ABCG1: variants seen among roughly 807,000 people sequenced by gnomAD.
The protein encoded by ABCG1 is ATP-binding cassette sub-family G member 1.
Under a neutral mutation model 69.2 loss-of-function variants are expected in ABCG1, and 29 were observed. The observed-to-expected ratio is 0.42, with a 90% CI of 0.31 to 0.57. The LOEUF (loss-of-function observed/expected upper bound fraction) is 0.57. Ranked by LOEUF, ABCG1 falls within the 20% of genes least tolerant of loss-of-function variation. The probability of loss-of-function intolerance (pLI) is 0.15; values close to 1 mark genes in which losing one functional copy is unlikely to be tolerated. For synonymous variants in ABCG1, 370 were observed against 374.8 expected (o/e 0.99, Z 0.15); for missense variants, 718 against 898.1 (o/e 0.80, Z 2.56).
intron 2 of ABCG1, among the ~76,000 whole-genome samples, chr21:42,233,643 C>T (rs2067933136): frequency 6.6e-6 from 1 of 152,200 alleles, no homozygotes; most frequent in Non-Finnish European, 1.5e-5. Context: ...GAACAATAAC[C>T]AAATACATTA....
chr21:42,289,908 C>T, intron 10 of ABCG1, 142 bp from the exon 11 acceptor site: 1 of 875,280 alleles, frequency 1.1e-6, no homozygotes, highest in South Asian at 1.7e-5. Flanking sequence ...GCTTGTTTCT[C>T]TGGAGGAGAA....
At chr21:42,225,434 A>G (rs1487666852) in intron 1 of ABCG1, among the ~76,000 whole-genome samples, 1 of 152,226 alleles carries the variant, frequency 6.6e-6, no homozygotes, top group African/African-American at 2.4e-5. Context: ...ATTCCAAAGT[A>G]AGACTTGTAG....
chr21:42,293,634 A>G (rs1364932734), intron 13 of ABCG1, among the ~76,000 whole-genome samples: 1 of 140,724 alleles, frequency 7.1e-6, no homozygotes, highest in African/African-American at 2.7e-5. Context: ...CACACCACAC[A>G]CACACCACAC....
rs142303190 is a variant in ABCG1 at position 42,271,190 on chromosome 21, G to A, written c.404+3G>A. ...ATGAACATCCTGGCTGGATACAGGT[G>A]AGCAGCCCTGCCCAGGGCGCAAAGT... On this transcript the variant is annotated splice_donor_region_variant and intron_variant, in intron 3 of 14. Transcript: ENST00000398449. 18 of 1,543,340 alleles carry A rather than the reference G, an allele frequency of 1.2e-5. No individual in the cohort carries two copies. The highest frequency in any genetic ancestry group is 4.2e-5 in the African/African-American group (3 of 71,612).
intron 13 of ABCG1, among the ~76,000 whole-genome samples, chr21:42,292,707 CACACT>C (rs2069090494): frequency 7.5e-6 from 1 of 133,486 alleles, no homozygotes; most frequent in African/African-American, 2.8e-5. Flanking sequence ...CACTACACAC[CACACT>C]ACACACTACA....
At chr21:42,231,191 GC>G (rs141244734) in intron 2 of ABCG1, among the ~76,000 whole-genome samples, 4,800 of 152,294 alleles carry the variant, frequency 0.032, 142 homozygotes, top group Middle Eastern at 0.058. Flanking sequence ...TGCATGGCGT[GC>G]TTTCTCTCCA....
chr21:42,243,336 A>G (rs2068079286), intron 2 of ABCG1, among the ~76,000 whole-genome samples: 1 of 152,188 alleles, frequency 6.6e-6, no homozygotes, highest in Non-Finnish European at 1.5e-5. Context: ...GCCAGGGAAC[A>G]GGGCAGAAGT....
At chr21:42,205,867 A>T (rs2067538901) in intron 2 of ABCG1, among the ~76,000 whole-genome samples, 1 of 152,098 alleles carries the variant, frequency 6.6e-6, no homozygotes, top group Admixed American at 6.6e-5. Flanking sequence ...TGTCCCACAA[A>T]TTTTGATATT....
chr21:42,257,661 T>C (rs2123674913), intron 2 of ABCG1, among the ~76,000 whole-genome samples: 1 of 152,264 alleles, frequency 6.6e-6, no homozygotes, highest in South Asian at 2.1e-4. Flanking sequence ...CCACAGTGGA[T>C]GAAATATTCC....
In ABCG1 at chr21:42,288,247, G is replaced by A. The variant is rs368270596; in HGVS notation, c.1159G>A (p.Ala387Thr). 16 of 1,614,062 alleles carry A rather than the reference G, an allele frequency of 9.9e-6. No homozygotes were observed. Among genetic ancestry groups the A allele is most frequent in the Admixed American group, 1.7e-5 (1 of 60,010 alleles). ...CATGGAAGGCTGCCACAGCTTCTCTGCCAGCTGCCTCACGCAGTTCTGCAT... is the reference window on the plus strand; with the variant it reads ...CATGGAAGGCTGCCACAGCTTCTCTACCAGCTGCCTCACGCAGTTCTGCAT... ...SSMEGCHSFS[A>T]SCLTQFCILF... Residue 387 changes from alanine to threonine, a missense_variant, in exon 10 of 15, where the codon GCC becomes ACC. Ala to Thr is a moderately conservative substitution (Grantham distance 58). Around this residue, in one of 2 missense-constraint regions of ABCG1, gnomAD observed 514 missense variants for 574.3 expected, o/e 0.90. Transcript: ENST00000398449. This position sits in a 1 kb window ranked among gnomAD's most constrained non-coding sequence, Gnocchi z 4.8.
chr21:42,248,902 C>CAAA (rs71332356), intron 2 of ABCG1, among the ~76,000 whole-genome samples: 2,649 of 90,946 alleles, frequency 0.029, 75 homozygotes, highest in South Asian at 0.038. Context: ...AGACCTCTCT[C>CAAA]AAAAAAAAAA....
chr21:42,295,553 A>G (rs1459975580), intron 14 of ABCG1, among the ~76,000 whole-genome samples: 1 of 152,210 alleles, frequency 6.6e-6, no homozygotes, highest in Non-Finnish European at 1.5e-5. Context: ...TCCGAGCTGC[A>G]GAAGTTCCAT....
intron 2 of ABCG1, among the ~76,000 whole-genome samples, chr21:42,248,970 C>A (rs1413370819): frequency 6.6e-6 from 1 of 151,536 alleles, no homozygotes; most frequent in Non-Finnish European, 1.5e-5. Flanking sequence ...TTATACAGCC[C>A]AGAAAAGAAA....
intron 2 of ABCG1, among the ~76,000 whole-genome samples, chr21:42,251,714 C>T (rs2068224619): frequency 6.6e-6 from 1 of 152,216 alleles, no homozygotes; most frequent in Non-Finnish European, 1.5e-5. Flanking sequence ...GGCCTAGGCA[C>T]AGTCGGTCCT....
At chr21:42,292,321 C>G (rs2069078688) in intron 13 of ABCG1, among the ~76,000 whole-genome samples, 2 of 152,096 alleles carry the variant, frequency 1.3e-5, no homozygotes, top group African/African-American at 2.4e-5. Context: ...CCTCCAGGGC[C>G]CAGGTGCCCT....
chr21:42,273,547 A>T lies in ABCG1; in HGVS notation c.537+112A>T, dbSNP rs1226628748. 3.8e-6 allele frequency: 5 copies of T among 1,322,616 alleles called. No individual in the cohort carries two copies. Among genetic ancestry groups the T allele is most frequent in the South Asian group, 1.4e-5 (1 of 69,444 alleles). The allele number at this position is 1,322,616 out of a possible 1,614,324, so 81.9% of individuals were successfully genotyped here. On this transcript the variant is annotated intron_variant, in intron 4 of 14. Transcript: ENST00000398449. This position sits in a 1 kb window ranked among gnomAD's most constrained non-coding sequence, Gnocchi z 5.3. ...CTGCGAGGGACCCAAGGGCTCTGCCACGCGGCCTGCACAGGGCCAGCAACC... is the reference window on the plus strand; with the variant it reads ...CTGCGAGGGACCCAAGGGCTCTGCCTCGCGGCCTGCACAGGGCCAGCAACC...
In ABCG1 at chr21:42,273,511, C is replaced by A. The variant is rs553247689; in HGVS notation, c.537+76C>A. On this transcript the variant is annotated intron_variant, in intron 4 of 14. Coordinates refer to ENST00000398449, the MANE Select transcript of ABCG1 (RefSeq NM_016818.3). The surrounding 1 kb of genome is among the most constrained non-coding windows in gnomAD (Gnocchi z 5.3). ...CGCCCACATTAGACACAGCACTGGC[C>A]GAGTGCCCAGCTGCGAGGGACCCAA... 21 of 1,521,044 alleles carry A rather than the reference C, an allele frequency of 1.4e-5. No individual in the cohort carries two copies. The highest frequency in any genetic ancestry group is 6.2e-5 in the South Asian group (5 of 80,714). The allele number at this position is 1,521,044 out of a possible 1,614,324, so 94.2% of individuals were successfully genotyped here.
chr21:42,247,319 A>G (rs1056706216), intron 2 of ABCG1, among the ~76,000 whole-genome samples: 2 of 152,214 alleles, frequency 1.3e-5, no homozygotes, highest in Non-Finnish European at 2.9e-5. Flanking sequence ...AGCTCTCACT[A>G]TCAGGCAGGG....
rs2067692139 is a variant in ABCG1 at position 42,219,807 on chromosome 21, C to T, written c.42+503C>T. On this transcript the variant is annotated intron_variant, in intron 1 of 14. Transcript: ENST00000398449. This position sits in a 1 kb window ranked among gnomAD's most constrained non-coding sequence, Gnocchi z 5.3. ...CTGGGGGAACAAAAGAGGAAGCTGC[C>T]CCCAGAGAGCCGGAGCCTGCGACTG... The T allele has an allele frequency of 7.0e-6, 10 of 1,435,500 alleles. No individual in the cohort carries two copies. The highest frequency in any genetic ancestry group is 8.2e-6 in the Non-Finnish European group (9 of 1,098,520). The allele number at this position is 1,435,500 out of a possible 1,614,324, so 88.9% of individuals were successfully genotyped here.
Sources: allele counts gnomAD v4.1 joint callset (sites outside exome capture counted in the v4.1 genomes callset), GRCh38; gene constraint gnomAD v4.1.1; regional missense constraint gnomAD v4.1.1; non-coding constraint Gnocchi (gnomAD v3.1); transcripts MANE v1.5; gene names NCBI Gene and HGNC (gene_info 2026-07-23, HGNC 2026-07-21).